TECPR2: variants seen among roughly 807,000 people sequenced by gnomAD.
TECPR2 encodes the protein tectonin beta-propeller repeat containing 2.
A neutral mutation model predicts 138.1 loss-of-function variants in TECPR2; 65 were observed. The ratio of observed to expected loss-of-function variants is 0.47; its 90% confidence interval spans 0.39 to 0.58. The LOEUF is 0.58. Ranked by LOEUF, TECPR2 falls within the 20% of genes least tolerant of loss-of-function variation. The probability of loss-of-function intolerance (pLI) is 0.00; values close to 1 mark genes in which losing one functional copy is unlikely to be tolerated. For synonymous variants in TECPR2, 746 were observed against 749.8 expected (o/e 0.99, Z 0.08); for missense variants, 1,553 against 1,824.5 (o/e 0.85, Z 2.71).
chr14:102,376,840 C>T lies in TECPR2; in HGVS notation c.119C>T (p.Ala40Val), dbSNP rs771822092. Residue 40 changes from alanine (A) to valine (V), a missense_variant, in exon 2 of 20, where the codon GCC becomes GTC. By Grantham distance (64) the Ala-to-Val change is moderately conservative (BLOSUM62 0). Transcript: ENST00000359520. ...GFRSIVVYLT[A>V]LDTNGDYIAV... ...CGCTCTATCGTGGTCTATCTCACGG[C>T]CCTCGACACCAACGGGGACTACATC... 8.1e-6 allele frequency: 13 copies of T among 1,614,068 alleles called. No homozygotes were observed. Among genetic ancestry groups the T allele is most frequent in the African/African-American group, 5.3e-5 (4 of 74,910 alleles).
intron 6 of TECPR2, among the ~76,000 whole-genome samples, chr14:102,426,176 G>A (rs1342358745): frequency 3.3e-5 from 5 of 151,976 alleles, no homozygotes; most frequent in South Asian, 4.2e-4. Context: ...GTGAACCGCC[G>A]CGCCCGGCCG....
intron 13 of TECPR2, among the ~76,000 whole-genome samples, chr14:102,447,622 C>T (rs981650259): frequency 6.6e-6 from 1 of 151,980 alleles, no homozygotes; most frequent in Admixed American, 6.6e-5. Flanking sequence ...GCAACCTCCG[C>T]CTCCTGGGTT....
Position 102,434,216 on chromosome 14 carries a change from T to C in TECPR2, c.1418-19T>C, listed in dbSNP as rs1334384953. On this transcript the variant is annotated intron_variant, in intron 8 of 19. Coordinates refer to ENST00000359520, the MANE Select transcript of TECPR2 (RefSeq NM_014844.5). ...ATATAGAACCGTGCCTTATTTTGAA[T>C]GTTCTTATTCTGAATTAGAAGGTGG... is the stretch of plus-strand genomic sequence containing the variant. 7.4e-7 allele frequency: 1 copy of C among 1,346,400 alleles called. No homozygotes were observed. The highest frequency in any genetic ancestry group is 9.6e-7 in the Non-Finnish European group (1 of 1,041,632). 83.4% of individuals were successfully genotyped at this position (1,346,400 alleles called of 1,614,324 possible).
In TECPR2 at chr14:102,443,759, C is replaced by T; in HGVS notation, c.2865C>T (p.Ala955=). Residue 955 remains alanine, a synonymous_variant, in exon 12 of 20, where the codon GCC becomes GCT. Coordinates refer to ENST00000359520, the MANE Select transcript of TECPR2 (RefSeq NM_014844.5). The surrounding 1 kb of genome is among the most constrained non-coding windows in gnomAD (Gnocchi z 4.9). ...NVVWALTEQR[A]LLYREGVSSF... is the part of the protein sequence containing the mutation. Reference sequence around the variant, plus strand: ...TGTGGGCGCTGACAGAGCAGAGGGCCCTCCTGTACCGGGAGGGCGTGAGCA... The same window carrying T: ...TGTGGGCGCTGACAGAGCAGAGGGCTCTCCTGTACCGGGAGGGCGTGAGCA... 1 of 1,610,858 alleles carries T rather than the reference C, an allele frequency of 6.2e-7. No individual in the cohort carries two copies. Among genetic ancestry groups the T allele is most frequent in the Non-Finnish European group, 8.5e-7 (1 of 1,177,612 alleles).
chr14:102,442,170 G>A (rs1595128521), intron 11 of TECPR2, among the ~76,000 whole-genome samples: 1 of 152,302 alleles, frequency 6.6e-6, no homozygotes, highest in African/African-American at 2.4e-5. Flanking sequence ...GTAGAGGCAG[G>A]GTTTCACTAT....
In TECPR2 at chr14:102,438,196, T is replaced by G; in HGVS notation, c.2569T>G (p.Ser857Ala). 6.2e-7 allele frequency: 1 copy of G among 1,605,858 alleles called. No homozygotes were observed. Among genetic ancestry groups the G allele is most frequent in the Non-Finnish European group, 8.5e-7 (1 of 1,178,830 alleles). ...FEDAVQQVAV[S>A]PSGALLWKIE... is the part of the protein sequence containing the mutation. The stretch of plus-strand genomic sequence containing the variant: ...AGATGCTGTCCAGCAGGTGGCAGTC[T>G]CGCCCTCAGGTTCGCCTCCCCGCTC... The change falls in exon 10 of 20, where the codon TCG becomes GCG. Residue 857 changes from serine to alanine, a missense_variant. Ser to Ala is a moderately conservative substitution (Grantham distance 99). Transcript: ENST00000359520.
chr14:102,482,165 T>A (rs550896753), intron 17 of TECPR2, among the ~76,000 whole-genome samples: 5 of 152,178 alleles, frequency 3.3e-5, no homozygotes, highest in African/African-American at 1.2e-4. Context: ...GTGATTCTTC[T>A]GCCTCAGCCT....
At chr14:102,485,769 G>A (rs1247002783) in intron 17 of TECPR2, among the ~76,000 whole-genome samples, 1 of 152,156 alleles carries the variant, frequency 6.6e-6, no homozygotes. Context: ...CTCTCCCTCT[G>A]GGCTGCACTC....
chr14:102,423,962 T>TTC lies in TECPR2; in HGVS notation c.639-1015_639-1014dup, dbSNP rs566821913. 1.9e-4 allele frequency among the ~76,000 whole-genome samples: 29 copies of TTC among 152,332 alleles called. No individual in the cohort carries two copies. In the East Asian group the frequency reaches 5.0e-3, roughly 26 times the overall value. Reference sequence around the variant, plus strand: ...CAGGGAAAGGATGAGCAGACCTGGATTCTTCACCTTCTGCCTCAGTTTCCT... The same window carrying TTC: ...CAGGGAAAGGATGAGCAGACCTGGATTCTCTTCACCTTCTGCCTCAGTTTCCT... On this transcript the variant is annotated intron_variant, in intron 5 of 19. Coordinates refer to ENST00000359520, the MANE Select transcript of TECPR2 (RefSeq NM_014844.5).
chr14:102,371,138 C>A (rs1230123066), intron 1 of TECPR2, among the ~76,000 whole-genome samples: 1 of 152,074 alleles, frequency 6.6e-6, no homozygotes, highest in Non-Finnish European at 1.5e-5. Context: ...ACTTCAGTAT[C>A]ATTAGCCACT....
chr14:102,381,673 G>T (rs1223537802), intron 2 of TECPR2, among the ~76,000 whole-genome samples: 1 of 152,208 alleles, frequency 6.6e-6, no homozygotes, highest in East Asian at 1.9e-4. Context: ...ACCAGATGAA[G>T]GAAAACTTAA....
intron 17 of TECPR2, among the ~76,000 whole-genome samples, chr14:102,485,121 A>T (rs1446598915): frequency 6.6e-6 from 1 of 152,266 alleles, no homozygotes; most frequent in African/African-American, 2.4e-5. Context: ...ACCATGGTGC[A>T]GCTCATCCCC....
chr14:102,463,019 A>G (rs1595138856), intron 16 of TECPR2, among the ~76,000 whole-genome samples: 2 of 152,254 alleles, frequency 1.3e-5, no homozygotes, highest in African/African-American at 4.8e-5. Context: ...CACCTCTCCT[A>G]GAATGGCTGC....
intron 16 of TECPR2, among the ~76,000 whole-genome samples, chr14:102,462,661 C>CCAG (rs1890435864): frequency 6.6e-6 from 1 of 152,204 alleles, no homozygotes; most frequent in Admixed American, 6.5e-5. Context: ...CTGCCCCTCT[C>CCAG]CAGCAGCACC....
chr14:102,457,084 C>T (rs1420784470), intron 16 of TECPR2, among the ~76,000 whole-genome samples: 2 of 151,850 alleles, frequency 1.3e-5, no homozygotes, highest in Non-Finnish European at 2.9e-5. Flanking sequence ...GGTCAAGAGA[C>T]TTCTCTTTTT....
At chr14:102,374,845 C>T (rs1312019719) in intron 1 of TECPR2, among the ~76,000 whole-genome samples, 2 of 152,188 alleles carry the variant, frequency 1.3e-5, no homozygotes, top group African/African-American at 4.8e-5. Context: ...TTTTCTGTTT[C>T]ATCATTCATT....
intron 4 of TECPR2, 150 bp downstream of exon 4, chr14:102,408,769 TTA>T (rs1456576711): frequency 1.1e-6 from 1 of 937,818 alleles, no homozygotes; most frequent in African/African-American, 1.7e-5. Context: ...TTTTATAGAC[TTA>T]TGTTTTATAA....
At chr14:102,421,155 A>G (rs1293704129) in intron 5 of TECPR2, among the ~76,000 whole-genome samples, 1 of 152,258 alleles carries the variant, frequency 6.6e-6, no homozygotes, top group Non-Finnish European at 1.5e-5. Context: ...CAGAGGTCCT[A>G]CAAATAGAAG....
intron 17 of TECPR2, among the ~76,000 whole-genome samples, chr14:102,467,319 ATT>A (rs35221234): frequency 1.0e-4 from 12 of 114,386 alleles, no homozygotes; most frequent in Non-Finnish European, 1.0e-4. Context: ...ATCCTCACCA[ATT>A]TTTTTTTTTT....
Sources: gnomAD v4.1 joint callset for allele counts (sites outside exome capture counted in the v4.1 genomes callset) on GRCh38, gnomAD v4.1.1 for gene constraint, Gnocchi (gnomAD v3.1) non-coding constraint, MANE v1.5 for transcripts, NCBI Gene and HGNC (gene_info 2026-07-23, HGNC 2026-07-21) for gene names.